The following NELL1 variants were observed in gnomAD, a reference collection of about 807,000 sequenced individuals.
NELL1 encodes neural EGFL like 1.
In NELL1, 76 loss-of-function variants were observed where a neutral mutation model predicts 107.4. The observed-to-expected ratio is 0.71, with a 90% CI of 0.59 to 0.86. The LOEUF (loss-of-function observed/expected upper bound fraction) is 0.86. NELL1 is among the 40% of genes least tolerant of loss of function. The pLI is 0.00. For missense variants in NELL1, 1,024 were observed against 1,005.5 expected (o/e 1.02, Z -0.25); for synonymous variants, 353 against 341.2 (o/e 1.03, Z -0.38).
At chr11:21,426,907 T>G (rs1019333678) in intron 15 of NELL1, among the ~76,000 whole-genome samples, 5 of 152,078 alleles carry the variant, frequency 3.3e-5, no homozygotes, top group African/African-American at 1.2e-4. Flanking sequence ...GTGAATAATA[T>G]GGAGCTTATG....
chr11:20,912,263 AGCC>A (rs1850149231), intron 5 of NELL1, among the ~76,000 whole-genome samples: 1 of 152,144 alleles, frequency 6.6e-6, no homozygotes. Context: ...CTGGTACATA[AGCC>A]TCTAGCATTA....
In NELL1 at chr11:21,494,415, C is replaced by A. The variant is rs1032159837; in HGVS notation, c.1646-39959C>A. Among the ~76,000 whole-genome samples, 4 of 151,942 alleles carry A rather than the reference C, an allele frequency of 2.6e-5. No individual in the cohort carries two copies. In the East Asian group the frequency reaches 7.7e-4, roughly 29 times the overall value. ...ACTCCCTTATTTCATCCCCTTTTGT[C>A]ACTTATCCTTGGAGGCAAAATTTTT... On this transcript the variant is annotated intron_variant, in intron 15 of 19. Transcript: ENST00000357134.
At chr11:21,177,040 G>A (rs4244529) in intron 13 of NELL1, among the ~76,000 whole-genome samples, 93,469 of 151,432 alleles carry the variant, frequency 0.62, 29,241 homozygotes, top group Admixed American at 0.73. Flanking sequence ...TACATTATGG[G>A]ATGATCAAAT....
Position 20,790,135 on chromosome 11 carries a change from T to C in NELL1, c.335+6305T>C, listed in dbSNP as rs534312517. Among the ~76,000 whole-genome samples, 47 of 152,288 alleles carry C rather than the reference T, an allele frequency of 3.1e-4. No homozygotes were observed. In the South Asian group the frequency reaches 7.7e-3, roughly 25 times the overall value. ...GCACTGGCAGCCATCAGGCCCTCCC[T>C]GGCCTGAAGGCGAAGCCTCACTGGG... On this transcript the variant is annotated intron_variant, in intron 3 of 19. Coordinates refer to ENST00000357134, the MANE Select transcript of NELL1 (RefSeq NM_006157.5).
chr11:20,735,826 T>C (rs1855750013), intron 2 of NELL1, among the ~76,000 whole-genome samples: 1 of 152,154 alleles, frequency 6.6e-6, no homozygotes, highest in South Asian at 2.1e-4. Flanking sequence ...GTTTTTGTTT[T>C]GGAAGGGGAG....
chr11:20,716,838 A>G (rs1435709148), intron 2 of NELL1, among the ~76,000 whole-genome samples: 1 of 152,232 alleles, frequency 6.6e-6, no homozygotes, highest in African/African-American at 2.4e-5. Flanking sequence ...TTAGAACAGC[A>G]TTGGGTATGT....
chr11:21,033,185 A>T (rs1215070383), intron 12 of NELL1, among the ~76,000 whole-genome samples: 1 of 152,148 alleles, frequency 6.6e-6, no homozygotes, highest in African/African-American at 2.4e-5. Flanking sequence ...TGATTTATCC[A>T]GGTGTGGGTT....
At chr11:20,913,135 C>T (rs1054786085) in intron 5 of NELL1, among the ~76,000 whole-genome samples, 5 of 152,080 alleles carry the variant, frequency 3.3e-5, no homozygotes, top group Admixed American at 1.3e-4. Context: ...GTTTACAGGT[C>T]CTACTTTTTG....
rs766717707 is a variant in NELL1 at position 20,937,869 on chromosome 11, A to C, written c.1071+10A>C. The C allele has an allele frequency of 6.2e-7, 1 of 1,613,374 alleles. No individual in the cohort carries two copies. The highest frequency in any genetic ancestry group is 1.1e-5 in the South Asian group (1 of 91,062). ...CTGTCGGGAATGCCGAGTAAGTGTT[A>C]ATTTTATGGTCCCTATCACTTCTGG... On this transcript the variant is annotated intron_variant, in intron 10 of 19. Transcript: ENST00000357134.
At chr11:21,094,306 C>T (rs1032361748) in intron 12 of NELL1, among the ~76,000 whole-genome samples, 8 of 152,350 alleles carry the variant, frequency 5.3e-5, no homozygotes, top group African/African-American at 1.7e-4. Flanking sequence ...AGCTCTGACC[C>T]TGTGGCTTTG....
At chr11:21,056,275 C>T (rs962214516) in intron 12 of NELL1, among the ~76,000 whole-genome samples, 2 of 152,124 alleles carry the variant, frequency 1.3e-5, no homozygotes, top group Non-Finnish European at 2.9e-5. Context: ...AATATGACAT[C>T]GTATTATCCA....
intron 13 of NELL1, among the ~76,000 whole-genome samples, chr11:21,213,780 T>C (rs1214785352): frequency 1.3e-5 from 2 of 152,258 alleles, no homozygotes; most frequent in East Asian, 3.9e-4. Flanking sequence ...TCACTGGGTG[T>C]GCATAGGCAA....
intron 12 of NELL1, among the ~76,000 whole-genome samples, chr11:21,108,611 T>C (rs926461408): frequency 1.3e-5 from 2 of 152,122 alleles, no homozygotes; most frequent in African/African-American, 4.8e-5. Flanking sequence ...TAGTTAATAA[T>C]AAAAACCTTA....
At chr11:21,195,633 C>T (rs867696231) in intron 13 of NELL1, among the ~76,000 whole-genome samples, 3 of 149,570 alleles carry the variant, frequency 2.0e-5, no homozygotes, top group South Asian at 2.1e-4. Flanking sequence ...GTAATATATC[C>T]AAATATTATT....
chr11:20,800,208 CTT>C (rs1857254666), intron 3 of NELL1, among the ~76,000 whole-genome samples: 1 of 152,060 alleles, frequency 6.6e-6, no homozygotes, highest in South Asian at 2.1e-4. Flanking sequence ...AATTCTTTTC[CTT>C]TGAATGCTAG....
chr11:21,181,069 A>G (rs1856816970), intron 13 of NELL1, among the ~76,000 whole-genome samples: 1 of 151,888 alleles, frequency 6.6e-6, no homozygotes, highest in East Asian at 1.9e-4. Context: ...TGAACTGGAT[A>G]CTCTTGCTCT....
At chr11:20,693,140 T>C (rs1029898502) in intron 2 of NELL1, among the ~76,000 whole-genome samples, 2 of 151,892 alleles carry the variant, frequency 1.3e-5, no homozygotes, top group African/African-American at 4.8e-5. Context: ...ATTTGCTTGG[T>C]AGATCTTCCT....
intron 11 of NELL1, among the ~76,000 whole-genome samples, chr11:20,956,507 A>G (rs572776503): frequency 7.0e-4 from 107 of 151,958 alleles, no homozygotes; most frequent in African/African-American, 2.4e-3. Flanking sequence ...TTAGCCGGGC[A>G]TGGTGGCGGG....
At chr11:20,771,675 T>C (rs541203982) in intron 2 of NELL1, among the ~76,000 whole-genome samples, 1 of 152,332 alleles carries the variant, frequency 6.6e-6, no homozygotes, top group East Asian at 1.9e-4. Context: ...AGCTCTATTT[T>C]GAAGCTGGGG....
Sources: allele counts gnomAD v4.1 joint callset (sites outside exome capture counted in the v4.1 genomes callset), GRCh38; gene constraint gnomAD v4.1.1; transcripts MANE v1.5; gene names NCBI Gene and HGNC (gene_info 2026-07-23, HGNC 2026-07-21).